The following LRRTM3 variants were observed in gnomAD, a reference collection of about 807,000 sequenced individuals.
The protein encoded by LRRTM3 is leucine rich repeat transmembrane neuronal 3, also known as leucine-rich repeat transmembrane neuronal protein 3.
A neutral mutation model predicts 44.7 loss-of-function variants in LRRTM3; 24 were observed. The observed-to-expected ratio is 0.54, with a 90% CI of 0.39 to 0.76. The LOEUF is 0.76. Ranked by LOEUF, LRRTM3 falls within the 30% of genes least tolerant of loss-of-function variation. The pLI is 0.00. For missense variants in LRRTM3, 587 were observed against 702.2 expected, an observed-to-expected ratio of 0.84 and a Z score of 1.85; for synonymous variants, 277 against 278.7, an observed-to-expected ratio of 0.99 and a Z score of 0.06.
In LRRTM3 at chr10:67,051,143, GGA is replaced by G. The variant is rs551844771; in HGVS notation, c.1537-46441_1537-46440del. Reference sequence around the variant, plus strand: ...AATGCCACAAAGCCAAAATCATAGTGGAGATTCTGCCCTGGCAGGAATGAGAT... The same window carrying G: ...AATGCCACAAAGCCAAAATCATAGTGGATTCTGCCCTGGCAGGAATGAGAT... On this transcript the variant is annotated intron_variant, in intron 2 of 2. Coordinates refer to ENST00000361320, the MANE Select transcript of LRRTM3 (RefSeq NM_178011.5). Among the ~76,000 whole-genome samples, 230 of 152,258 alleles carry G rather than the reference GGA, an allele frequency of 1.5e-3. 1 individual carries two copies. Among genetic ancestry groups the G allele is most frequent in the Non-Finnish European group, 2.7e-3 (181 of 68,010 alleles).
At chr10:67,061,494 C>G (rs1312821600) in intron 2 of LRRTM3, among the ~76,000 whole-genome samples, 1 of 152,146 alleles carries the variant, frequency 6.6e-6, no homozygotes, top group African/African-American at 2.4e-5. Context: ...CTCTTCTTAT[C>G]TCTGTTCTGC....
chr10:66,968,299 A>G (rs890894036), intron 2 of LRRTM3, among the ~76,000 whole-genome samples: 5 of 151,228 alleles, frequency 3.3e-5, no homozygotes, highest in African/African-American at 1.2e-4. Context: ...CAGTATGGCA[A>G]GTAAGGAATA....
intron 2 of LRRTM3, among the ~76,000 whole-genome samples, chr10:67,090,004 A>T (rs555511984): frequency 9.9e-5 from 15 of 152,212 alleles, no homozygotes; most frequent in African/African-American, 3.6e-4. Context: ...CAAACTACAG[A>T]TTAATTCAAG....
At chr10:67,039,342 C>G (rs1854259083) in intron 2 of LRRTM3, among the ~76,000 whole-genome samples, 2 of 152,036 alleles carry the variant, frequency 1.3e-5, no homozygotes, top group Admixed American at 1.3e-4. Context: ...GTTATTTATT[C>G]TAAGAAGTTT....
chr10:67,085,794 G>C (rs1052958275), intron 2 of LRRTM3, among the ~76,000 whole-genome samples: 27 of 151,938 alleles, frequency 1.8e-4, no homozygotes, highest in Non-Finnish European at 2.7e-4. Context: ...ACGCAAGCCT[G>C]CACAAACCCT....
chr10:67,012,153 T>C (rs1852378217), intron 2 of LRRTM3: 1 of 152,222 alleles, frequency 6.6e-6, no homozygotes, highest in Non-Finnish European at 1.5e-5. Flanking sequence ...TGCACTGTAC[T>C]GACAGAAGGG....
At chr10:67,019,754 T>C (rs1852877778) in intron 2 of LRRTM3, among the ~76,000 whole-genome samples, 1 of 152,148 alleles carries the variant, frequency 6.6e-6, no homozygotes, top group Admixed American at 6.5e-5. Flanking sequence ...TTTGTCTCCA[T>C]GAATACCATC....
At chr10:66,946,770 C>T (rs1226408881) in intron 2 of LRRTM3, among the ~76,000 whole-genome samples, 2 of 152,040 alleles carry the variant, frequency 1.3e-5, no homozygotes, top group Admixed American at 6.6e-5. Context: ...CCCCACCACA[C>T]CCAGGCACAC....
intron 2 of LRRTM3, among the ~76,000 whole-genome samples, chr10:66,952,639 A>G (rs764600136): frequency 1.3e-5 from 2 of 152,112 alleles, no homozygotes; most frequent in Non-Finnish European, 2.9e-5. Flanking sequence ...AATTAATTCT[A>G]AGTTGACATT....
At chr10:67,007,320 G>A (rs985761330) in intron 2 of LRRTM3, among the ~76,000 whole-genome samples, 3 of 151,874 alleles carry the variant, frequency 2.0e-5, no homozygotes, top group African/African-American at 7.3e-5. Context: ...TTTGGATATT[G>A]AAATTAAAGT....
At chr10:67,092,040 C>T (rs191817578) in intron 2 of LRRTM3, among the ~76,000 whole-genome samples, 13 of 151,694 alleles carry the variant, frequency 8.6e-5, no homozygotes, top group African/African-American at 1.5e-4. Flanking sequence ...TAAGAAAATA[C>T]GCCTCTGAAT....
At chr10:67,018,668 C>T (rs796461587) in intron 2 of LRRTM3, among the ~76,000 whole-genome samples, 5 of 152,292 alleles carry the variant, frequency 3.3e-5, no homozygotes, top group East Asian at 1.9e-4. Flanking sequence ...CCTTTTTAAC[C>T]GTGGACAAGC....
intron 2 of LRRTM3, among the ~76,000 whole-genome samples, chr10:67,057,042 T>C (rs1273270280): frequency 6.6e-6 from 1 of 152,230 alleles, no homozygotes; most frequent in Non-Finnish European, 1.5e-5. Flanking sequence ...TCAGCAATTC[T>C]GCCTCCTCTT....
chr10:66,931,576 C>T (rs915294998), intron 2 of LRRTM3, among the ~76,000 whole-genome samples: 2 of 152,178 alleles, frequency 1.3e-5, no homozygotes, highest in Non-Finnish European at 2.9e-5. Context: ...AGACTAACCA[C>T]AGCTATTCAC....
chr10:67,046,545 C>T (rs1192829014), intron 2 of LRRTM3, among the ~76,000 whole-genome samples: 1 of 152,176 alleles, frequency 6.6e-6, no homozygotes, highest in Admixed American at 6.5e-5. Flanking sequence ...TTTCATCCCA[C>T]TGGTCAATAC....
chr10:66,986,669 A>AT (rs756179942), intron 2 of LRRTM3, among the ~76,000 whole-genome samples: 14 of 152,172 alleles, frequency 9.2e-5, no homozygotes, highest in Non-Finnish European at 1.9e-4. Flanking sequence ...ATAGTCAACT[A>AT]TACCTTGTAA....
chr10:67,041,037 TAC>T (rs1371353486), intron 2 of LRRTM3, among the ~76,000 whole-genome samples: 1 of 152,170 alleles, frequency 6.6e-6, no homozygotes, highest in African/African-American at 2.4e-5. Flanking sequence ...CAGATCTTTT[TAC>T]ACACACAAAG....
At chr10:67,089,477 G>C (rs1055439301) in intron 2 of LRRTM3, among the ~76,000 whole-genome samples, 1 of 151,908 alleles carries the variant, frequency 6.6e-6, no homozygotes, top group African/African-American at 2.4e-5. Flanking sequence ...AAGAGTTCTA[G>C]GAGATAGATT....
At chr10:66,973,332 C>T (rs1423637006) in intron 2 of LRRTM3, among the ~76,000 whole-genome samples, 1 of 152,084 alleles carries the variant, frequency 6.6e-6, no homozygotes, top group Non-Finnish European at 1.5e-5. Context: ...CTAGGACTTT[C>T]CACATTTTTG....
Sources: gnomAD v4.1 joint callset for allele counts (sites outside exome capture counted in the v4.1 genomes callset) on GRCh38, gnomAD v4.1.1 for gene constraint, MANE v1.5 for transcripts, NCBI Gene and HGNC (gene_info 2026-07-23, HGNC 2026-07-21) for gene names.